The following GPM6A variants were observed in gnomAD, a reference collection of about 807,000 sequenced individuals.
GPM6A encodes the protein neuronal membrane glycoprotein M6-a.
GPM6A carries 7 observed loss-of-function variants against 32.1 expected under a neutral mutation model. The observed-to-expected ratio is 0.22, with a 90% confidence interval of 0.12 to 0.41. The LOEUF is 0.41. Ranked by LOEUF, GPM6A falls within the 10% of genes least tolerant of loss-of-function variation. The pLI, the probability that GPM6A is intolerant of heterozygous loss-of-function variation, is 1.00. For synonymous variants in GPM6A, 130 were observed against 123.4 expected, an observed-to-expected ratio of 1.05 and a Z score of -0.35; for missense variants, 235 against 347.2, an observed-to-expected ratio of 0.68 and a Z score of 2.57.
chr4:175,938,487 A>T (rs1199325796), intron 1 of GPM6A, among the ~76,000 whole-genome samples: 1 of 151,986 alleles, frequency 6.6e-6, no homozygotes, highest in African/African-American at 2.4e-5. Context: ...TTTGATTTGC[A>T]TTTCTCTAAT....
chr4:175,893,224 C>A (rs1737699278), intron 1 of GPM6A, among the ~76,000 whole-genome samples: 1 of 152,102 alleles, frequency 6.6e-6, no homozygotes, highest in Non-Finnish European at 1.5e-5. Flanking sequence ...TAAACTGTGG[C>A]AGGCTTTTAT....
At chr4:175,794,931 T>C (rs1372882735) in intron 1 of GPM6A, among the ~76,000 whole-genome samples, 1 of 152,210 alleles carries the variant, frequency 6.6e-6, no homozygotes, top group African/African-American at 2.4e-5. Flanking sequence ...ACAGAATCCA[T>C]GAATATATTT....
At chr4:175,639,542 C>T (rs1741014961) in intron 6 of GPM6A, among the ~76,000 whole-genome samples, 1 of 152,104 alleles carries the variant, frequency 6.6e-6, no homozygotes, top group Non-Finnish European at 1.5e-5. Context: ...TTTGGCATTC[C>T]AGTGGGCATA....
chr4:175,917,530 C>T (rs1738531456), intron 1 of GPM6A, among the ~76,000 whole-genome samples: 1 of 152,252 alleles, frequency 6.6e-6, no homozygotes, highest in East Asian at 1.9e-4. Context: ...AAGGCAGAAA[C>T]AGGCTGACTG....
At chr4:175,717,287 G>A (rs912241525) in intron 1 of GPM6A, among the ~76,000 whole-genome samples, 7 of 152,112 alleles carry the variant, frequency 4.6e-5, no homozygotes, top group African/African-American at 1.7e-4. Flanking sequence ...TCCTTAGAGA[G>A]AATCCCTTTA....
chr4:175,684,111 G>A (rs1743839572), intron 2 of GPM6A, among the ~76,000 whole-genome samples: 1 of 152,132 alleles, frequency 6.6e-6, no homozygotes, highest in Admixed American at 6.5e-5. Flanking sequence ...TTACAGGCAT[G>A]AGCCACTGCA....
intron 1 of GPM6A, among the ~76,000 whole-genome samples, chr4:175,997,671 G>C (rs934463178): frequency 1.3e-5 from 2 of 151,130 alleles, no homozygotes; most frequent in Non-Finnish European, 2.9e-5. Context: ...GGGTGTCATA[G>C]TTTTCCTGAA....
At chr4:175,933,674 C>T (rs544400845) in intron 1 of GPM6A, among the ~76,000 whole-genome samples, 2 of 152,276 alleles carry the variant, frequency 1.3e-5, no homozygotes, top group Admixed American at 1.3e-4. Flanking sequence ...TCCCGAATAG[C>T]TGGGACTACA....
At chr4:175,690,805 G>A (rs1744253910) in intron 2 of GPM6A, among the ~76,000 whole-genome samples, 1 of 152,140 alleles carries the variant, frequency 6.6e-6, no homozygotes, top group South Asian at 2.1e-4. Flanking sequence ...GCCATAAAAG[G>A]TAACATATGA....
At chr4:175,999,540 A>C (rs1741411147) in intron 1 of GPM6A, among the ~76,000 whole-genome samples, 1 of 149,590 alleles carries the variant, frequency 6.7e-6, no homozygotes, top group African/African-American at 2.5e-5. Context: ...TTTTTTTTTT[A>C]CAATCAGCCT....
chr4:175,903,412 G>A (rs1738029851), intron 1 of GPM6A, among the ~76,000 whole-genome samples: 1 of 152,078 alleles, frequency 6.6e-6, no homozygotes, highest in South Asian at 2.1e-4. Context: ...ATTACTTGAA[G>A]CTAAAGCTAA....
intron 1 of GPM6A, among the ~76,000 whole-genome samples, chr4:175,710,506 T>G (rs1745467826): frequency 6.6e-6 from 1 of 152,096 alleles, no homozygotes; most frequent in African/African-American, 2.4e-5. Context: ...TTTTTAAATC[T>G]TCTGTATGTT....
intron 1 of GPM6A, among the ~76,000 whole-genome samples, chr4:175,852,942 C>T (rs963254883): frequency 3.3e-5 from 5 of 152,086 alleles, no homozygotes; most frequent in Non-Finnish European, 5.9e-5. Flanking sequence ...ATGTCTCAAT[C>T]GATGCGCAAT....
At chr4:176,000,924 A>G (rs189709043) in intron 1 of GPM6A, among the ~76,000 whole-genome samples, 11 of 152,310 alleles carry the variant, frequency 7.2e-5, no homozygotes, top group Admixed American at 7.2e-4. Context: ...TTCAGAAAAC[A>G]TTTAAAGACA....
At chr4:175,761,300 G>T (rs1014940868) in intron 1 of GPM6A, among the ~76,000 whole-genome samples, 5 of 152,052 alleles carry the variant, frequency 3.3e-5, no homozygotes, top group African/African-American at 1.2e-4. Flanking sequence ...CACCATGTTG[G>T]CCAGGCTGGT....
intron 1 of GPM6A, among the ~76,000 whole-genome samples, chr4:175,827,063 G>C (rs1560953682): frequency 6.6e-6 from 1 of 152,184 alleles, no homozygotes; most frequent in East Asian, 1.9e-4. Flanking sequence ...AGATGCCCAT[G>C]AAGTAAGTAT....
At chr4:175,785,821 G>T (rs991139369) in intron 1 of GPM6A, among the ~76,000 whole-genome samples, 4 of 152,124 alleles carry the variant, frequency 2.6e-5, no homozygotes, top group Non-Finnish European at 5.9e-5. Context: ...TCAACAGCTA[G>T]TTACAGAACA....
intron 1 of GPM6A, among the ~76,000 whole-genome samples, chr4:175,796,241 T>C (rs1387265384): frequency 1.3e-5 from 2 of 152,206 alleles, no homozygotes; most frequent in African/African-American, 4.8e-5. Context: ...CAATAAGAGT[T>C]ATATTTATGT....
At chr4:175,866,645 G>C (rs942855366) in intron 1 of GPM6A, among the ~76,000 whole-genome samples, 1 of 152,040 alleles carries the variant, frequency 6.6e-6, no homozygotes, top group African/African-American at 2.4e-5. Flanking sequence ...GGATGTACCA[G>C]GTTTGTTAAT....
Sources: allele counts gnomAD v4.1 joint callset (sites outside exome capture counted in the v4.1 genomes callset), GRCh38; gene constraint gnomAD v4.1.1; transcripts MANE v1.5; gene names NCBI Gene and HGNC (gene_info 2026-07-23, HGNC 2026-07-21).